Variants in RBMS3 observed in about 807,000 individuals in gnomAD.
RBMS3 encodes the protein RNA binding motif single stranded interacting protein 3.
Under a neutral mutation model 66.8 loss-of-function variants are expected in RBMS3, and 27 were observed. The ratio of observed to expected loss-of-function variants is 0.40; its 90% CI spans 0.30 to 0.56. RBMS3 has a LOEUF of 0.56. Ranked by LOEUF, RBMS3 falls within the 20% of genes least tolerant of loss-of-function variation. The probability of loss-of-function intolerance (pLI) is 0.40; values close to 1 mark genes in which losing one functional copy is unlikely to be tolerated. For missense variants in RBMS3, 513 were observed against 549.5 expected, an observed-to-expected ratio of 0.93 and a Z score of 0.66; for synonymous variants, 188 against 183.0, an observed-to-expected ratio of 1.03 and a Z score of -0.22.
intron 1 of RBMS3, among the ~76,000 whole-genome samples, chr3:29,311,029 GTGTTATCACTCC>G (rs985390707): frequency 6.6e-6 from 1 of 151,778 alleles, no homozygotes; most frequent in Non-Finnish European, 1.5e-5. Flanking sequence ...TAGTGCCACT[GTGTTATCACTCC>G]TGAGTGCTGC....
Position 29,866,077 on chromosome 3 carries a change from T to TAAAAAAAAAA in RBMS3, c.638-2768_638-2759dup, listed in dbSNP as rs35591949. The stretch of plus-strand genomic sequence containing the variant: ...TTAGTCTATTATTAACACCAAATAC[T>TAAAAAAAAAA]AAAAAAAAAAAAAAAAAAAAAATTC... On this transcript the variant is annotated intron_variant, in intron 6 of 14. Coordinates refer to ENST00000383767, the MANE Select transcript of RBMS3 (RefSeq NM_001003793.3). 4.5e-4 allele frequency among the ~76,000 whole-genome samples: 48 copies of TAAAAAAAAAA among 105,570 alleles called. 2 individuals are homozygous for TAAAAAAAAAA. Among genetic ancestry groups the TAAAAAAAAAA allele is most frequent in the South Asian group, 4.0e-3 (11 of 2,732 alleles). 69.3% of individuals were successfully genotyped at this position (105,570 alleles called of 152,430 possible). A position where few individuals can be genotyped will look rare whatever the true frequency, so the allele number is the denominator to read the frequency against.
At chr3:29,291,622 A>G (rs1214407804) in intron 1 of RBMS3, among the ~76,000 whole-genome samples, 1 of 151,844 alleles carries the variant, frequency 6.6e-6, no homozygotes, top group Non-Finnish European at 1.5e-5. Context: ...TCTATGGCAT[A>G]ATTTTTCTCA....
chr3:29,428,551 GA>G (rs775738612), intron 1 of RBMS3, among the ~76,000 whole-genome samples: 1 of 147,628 alleles, frequency 6.8e-6, no homozygotes, highest in Non-Finnish European at 1.5e-5. Flanking sequence ...AACATTTATT[GA>G]ATGTCCCAAA....
At chr3:29,304,228 T>G (rs1238328167) in intron 1 of RBMS3, among the ~76,000 whole-genome samples, 2 of 152,018 alleles carry the variant, frequency 1.3e-5, no homozygotes, top group South Asian at 2.1e-4. Flanking sequence ...GGTTTCAGTC[T>G]TTTTCTCTAG....
intron 2 of RBMS3, among the ~76,000 whole-genome samples, chr3:29,446,906 C>CTTTTTTTT (rs11293530): frequency 5.8e-5 from 4 of 68,582 alleles, no homozygotes; most frequent in East Asian, 5.1e-4. Flanking sequence ...ATTAAGCAGT[C>CTTTTTTTT]TTTTTTTTTT....
At chr3:29,454,795 C>A (rs983365236) in intron 2 of RBMS3, among the ~76,000 whole-genome samples, 1 of 152,058 alleles carries the variant, frequency 6.6e-6, no homozygotes. Context: ...TGTTGTAGCC[C>A]AACATATAAA....
At chr3:29,829,453 C>T (rs2058303889) in intron 6 of RBMS3, among the ~76,000 whole-genome samples, 1 of 152,162 alleles carries the variant, frequency 6.6e-6, no homozygotes, top group South Asian at 2.1e-4. Context: ...TATTTTCCAT[C>T]TCTCTGGTGG....
intron 3 of RBMS3, among the ~76,000 whole-genome samples, chr3:29,522,242 G>A (rs1287075689): frequency 6.6e-6 from 1 of 152,074 alleles, no homozygotes; most frequent in Non-Finnish European, 1.5e-5. Context: ...ACTCAGGCTG[G>A]AGTGCAGTGC....
intron 3 of RBMS3, among the ~76,000 whole-genome samples, chr3:29,575,283 G>GTTTTTTTTTTT (rs746440704): frequency 6.9e-6 from 1 of 145,602 alleles, no homozygotes; most frequent in Non-Finnish European, 1.5e-5. Context: ...AAGGGTAAAA[G>GTTTTTTTTTTT]TTTTTTTTTT....
intron 3 of RBMS3, among the ~76,000 whole-genome samples, chr3:29,572,776 G>A (rs1020622464): frequency 6.6e-6 from 1 of 152,134 alleles, no homozygotes; most frequent in Non-Finnish European, 1.5e-5. Flanking sequence ...GATAATACTG[G>A]TCTCATAGAA....
intron 3 of RBMS3, among the ~76,000 whole-genome samples, chr3:29,569,742 GA>G (rs2046880135): frequency 6.6e-6 from 1 of 152,036 alleles, no homozygotes; most frequent in African/African-American, 2.4e-5. Context: ...AAAAACTTAG[GA>G]AAAATCATTC....
chr3:29,961,984 TTAATATATA>T (rs57911629), intron 12 of RBMS3, among the ~76,000 whole-genome samples: 18,816 of 145,284 alleles, frequency 0.13, 1,503 homozygotes, highest in Middle Eastern at 0.21. Context: ...ATAATATATA[TTAATATATA>T]TAATATATAT....
At chr3:29,417,063 C>T (rs894078555) in intron 1 of RBMS3, among the ~76,000 whole-genome samples, 1 of 151,998 alleles carries the variant, frequency 6.6e-6, no homozygotes, top group Non-Finnish European at 1.5e-5. Context: ...TATGAAATTA[C>T]TCTCATATAA....
At chr3:29,859,247 G>T (rs886928046) in intron 6 of RBMS3, among the ~76,000 whole-genome samples, 2 of 152,148 alleles carry the variant, frequency 1.3e-5, no homozygotes, top group Non-Finnish European at 1.5e-5. Flanking sequence ...TCTTTTAGGA[G>T]AACTAACTGG....
chr3:29,855,981 ATGAG>A, intron 6 of RBMS3, among the ~76,000 whole-genome samples: 1 of 152,346 alleles, frequency 6.6e-6, no homozygotes, highest in South Asian at 2.1e-4. Flanking sequence ...ATATAAATAA[ATGAG>A]TGAGCTGAGG....
At chr3:29,313,241 C>T (rs1298098222) in intron 1 of RBMS3, among the ~76,000 whole-genome samples, 1 of 151,732 alleles carries the variant, frequency 6.6e-6, no homozygotes, top group Non-Finnish European at 1.5e-5. Flanking sequence ...TTTGTTGAAA[C>T]ATCTGGTCTT....
chr3:29,978,222 A>G (rs890832494), intron 12 of RBMS3, among the ~76,000 whole-genome samples: 13 of 152,174 alleles, frequency 8.5e-5, no homozygotes, highest in African/African-American at 3.1e-4. Context: ...ACACATAGCT[A>G]TGGCCAATTC....
intron 2 of RBMS3, among the ~76,000 whole-genome samples, chr3:29,463,238 C>T (rs1203632582): frequency 6.6e-6 from 1 of 152,148 alleles, no homozygotes; most frequent in Admixed American, 6.5e-5. Context: ...TGTTGGTGCT[C>T]AGATGAACAA....
chr3:30,002,840 G>A (rs1699671868), intron 14 of RBMS3, among the ~76,000 whole-genome samples: 1 of 151,878 alleles, frequency 6.6e-6, no homozygotes, highest in African/African-American at 2.4e-5. Context: ...TGTGAATTGG[G>A]GTTACAGCTT....
Sources: gnomAD v4.1 joint callset for allele counts (sites outside exome capture counted in the v4.1 genomes callset) on GRCh38, gnomAD v4.1.1 for gene constraint, MANE v1.5 for transcripts, NCBI Gene and HGNC (gene_info 2026-07-23, HGNC 2026-07-21) for gene names.